The following MYSM1 variants were observed in gnomAD, a reference collection of about 807,000 sequenced individuals.
MYSM1 encodes Myb like, SWIRM and MPN domains 1.
A neutral mutation model predicts 116.0 loss-of-function variants in MYSM1; 51 were observed. The ratio of observed to expected loss-of-function variants is 0.44; its 90% CI spans 0.35 to 0.56. The LOEUF (loss-of-function observed/expected upper bound fraction) is 0.56, where lower values mean the gene tolerates loss of function less well. Ranked by LOEUF, MYSM1 falls within the 20% of genes least tolerant of loss-of-function variation. The pLI is 0.00. For missense variants in MYSM1, 900 were observed against 974.9 expected, an observed-to-expected ratio of 0.92 and a Z score of 1.02; for synonymous variants, 313 against 315.2, an observed-to-expected ratio of 0.99 and a Z score of 0.07.
At chr1:58,695,079 A>G in intron 2 of MYSM1, 50 bp downstream of exon 2, 1 of 1,076,366 alleles carries the variant, frequency 9.3e-7, no homozygotes, top group African/African-American at 1.6e-5. Flanking sequence ...GAAGCACTCT[A>G]GGCAATAAAT....
chr1:58,698,102 A>ATATTTTTTTT lies in MYSM1; in HGVS notation c.68+1882_68+1883insAAAAAAAATA. ...TATCAGACTATATATATATATATAT[A>ATATTTTTTTT]TTTTTTTTTTTTTTTTGAGACAGAG... On this transcript the variant is annotated intron_variant, in intron 1 of 19. Transcript: ENST00000472487. Among the ~76,000 whole-genome samples the ATATTTTTTTT allele has an allele frequency of 7.7e-4, 6 of 7,776 alleles. 1 individual carries two copies. Among genetic ancestry groups the ATATTTTTTTT allele is most frequent in the African/African-American group, 1.5e-3 (6 of 3,892 alleles). 5.1% of individuals were successfully genotyped at this position (7,776 alleles called of 152,430 possible).
intron 7 of MYSM1, among the ~76,000 whole-genome samples, chr1:58,684,934 T>A (rs1314425089): frequency 6.6e-6 from 1 of 152,188 alleles, no homozygotes; most frequent in African/African-American, 2.4e-5. Context: ...TTTTGTCCAT[T>A]TAACTTTATA....
At chr1:58,684,393 G>A (rs988171066) in intron 7 of MYSM1, among the ~76,000 whole-genome samples, 74 of 151,680 alleles carry the variant, frequency 4.9e-4, no homozygotes, top group African/African-American at 1.6e-3. Flanking sequence ...GTGAAACCCC[G>A]TCTCTACTAA....
At chr1:58,679,108 T>C (rs1410865847) in intron 8 of MYSM1, among the ~76,000 whole-genome samples, 1 of 152,216 alleles carries the variant, frequency 6.6e-6, no homozygotes, top group Non-Finnish European at 1.5e-5. Context: ...TCTGCTTTTA[T>C]GAAAAGAATC....
At chr1:58,680,591 G>A (rs1389028073) in intron 8 of MYSM1, among the ~76,000 whole-genome samples, 1 of 152,130 alleles carries the variant, frequency 6.6e-6, no homozygotes, top group Non-Finnish European at 1.5e-5. Flanking sequence ...TATATTGTGT[G>A]GGTAAAATGA....
Position 58,661,464 on chromosome 1 carries a change from A to G in MYSM1, c.2212T>C (p.Trp738Arg), listed in dbSNP as rs774199953. The G allele has an allele frequency of 6.2e-7, 1 of 1,609,202 alleles. No individual in the cohort carries two copies. Among genetic ancestry groups the G allele is most frequent in the Middle Eastern group, 1.7e-4 (1 of 6,038 alleles). The change falls in exon 18 of 20, where the codon TGG (tryptophan) becomes CGG (arginine). Residue 738 changes from tryptophan (W) to arginine (R), a missense_variant. Physicochemically the swap from Trp to Arg is moderately radical, Grantham distance 101. This residue lies in a region of MYSM1 where 186 missense variants were observed against 196.2 expected (regional missense o/e 0.95). Coordinates refer to ENST00000472487, the MANE Select transcript of MYSM1 (RefSeq NM_001085487.3). ...CTTGTCTTTTCAAATACTAATCCCC[A>G]CTGAGGTTCTTCTAACATCTGCTGT... ...EVQQMLEEPQ[W>R]GLVFEKTRWI...
intron 2 of MYSM1, 125 bp from the exon 3 acceptor site, chr1:58,693,056 G>T: frequency 1.4e-6 from 1 of 721,342 alleles, no homozygotes; most frequent in Non-Finnish European, 2.2e-6. Flanking sequence ...TGAGCACACA[G>T]ACATATTTTT....
At chr1:58,696,322 A>G (rs1253469658) in intron 1 of MYSM1, among the ~76,000 whole-genome samples, 1 of 152,218 alleles carries the variant, frequency 6.6e-6, no homozygotes, top group Non-Finnish European at 1.5e-5. Flanking sequence ...AGAATCAGCA[A>G]CACTCATACT....
chr1:58,698,815 G>A (rs1645021002), intron 1 of MYSM1, among the ~76,000 whole-genome samples: 1 of 152,174 alleles, frequency 6.6e-6, no homozygotes, highest in African/African-American at 2.4e-5. Flanking sequence ...AAAGCTTTGA[G>A]GGACAATGAC....
chr1:58,686,620 A>G (rs995050013), intron 6 of MYSM1, among the ~76,000 whole-genome samples: 1 of 152,256 alleles, frequency 6.6e-6, no homozygotes, highest in Non-Finnish European at 1.5e-5. Flanking sequence ...TCTGAAAATT[A>G]TTAGTAAATA....
chr1:58,676,988 A>G lies in MYSM1; in HGVS notation c.1328T>C (p.Val443Ala). Reference protein sequence around the residue: ...VRPGLKNCGDVNCIGRIHTYL... With the variant: ...VRPGLKNCGDANCIGRIHTYL... ...TGTATGAATCCGTCCAATACAATTA[A>G]CATCTCCACAGTTCTTCAGGCCAGG... The change falls in exon 9 of 20, where the codon GTT becomes GCT. Residue 443 changes from valine to alanine, a missense_variant. By Grantham distance (64) the Val-to-Ala change is moderately conservative. This residue lies in a region of MYSM1 where 622 missense variants were observed against 623.7 expected (regional missense o/e 1.00). Coordinates refer to ENST00000472487, the MANE Select transcript of MYSM1 (RefSeq NM_001085487.3). The G allele has an allele frequency of 6.2e-7, 1 of 1,612,518 alleles. No individual in the cohort carries two copies. Among genetic ancestry groups the G allele is most frequent in the Non-Finnish European group, 8.5e-7 (1 of 1,179,274 alleles).
chr1:58,696,192 T>G (rs1331002247), intron 1 of MYSM1, among the ~76,000 whole-genome samples: 2 of 152,228 alleles, frequency 1.3e-5, no homozygotes, highest in Non-Finnish European at 2.9e-5. Context: ...TAAAGGATTC[T>G]GAGACTTTTA....
At chr1:58,665,462 T>C in intron 17 of MYSM1, 37 bp downstream of exon 17, 2 of 1,477,696 alleles carry the variant, frequency 1.4e-6, no homozygotes, top group Non-Finnish European at 1.8e-6. Context: ...GAAATAAGAG[T>C]AGAAAGAGGA....
chr1:58,660,692 A>T (rs1411132737), intron 19 of MYSM1, among the ~76,000 whole-genome samples: 1 of 152,118 alleles, frequency 6.6e-6, no homozygotes, highest in Non-Finnish European at 1.5e-5. Flanking sequence ...TAAAAAGACA[A>T]ATGTTGCAGA....
rs1553140002 is a variant in MYSM1 at position 58,698,102 on chromosome 1, A to ATTTTTTTTTTTT, written c.68+1871_68+1882dup. Among the ~76,000 whole-genome samples, 64 of 7,762 alleles carry ATTTTTTTTTTTT rather than the reference A, an allele frequency of 8.2e-3. 8 individuals are homozygous for ATTTTTTTTTTTT. The highest frequency in any genetic ancestry group is 0.015 in the African/African-American group (58 of 3,884). 5.1% of individuals were successfully genotyped at this position (7,762 alleles called of 152,430 possible). ...TATCAGACTATATATATATATATAT[A>ATTTTTTTTTTTT]TTTTTTTTTTTTTTTTGAGACAGAG... On this transcript the variant is annotated intron_variant, in intron 1 of 19. Coordinates refer to ENST00000472487, the MANE Select transcript of MYSM1 (RefSeq NM_001085487.3).
At chr1:58,667,633 T>C (rs1644494109) in intron 15 of MYSM1, among the ~76,000 whole-genome samples, 1 of 151,782 alleles carries the variant, frequency 6.6e-6, no homozygotes, top group Non-Finnish European at 1.5e-5. Context: ...ACCCAAGGCC[T>C]GGCAATGTTC....
At chr1:58,667,981 A>C in intron 14 of MYSM1, 60 bp from the exon 15 acceptor site, 1 of 1,133,490 alleles carries the variant, frequency 8.8e-7, no homozygotes. Flanking sequence ...CAAAGTAACA[A>C]AACTCACTTA....
chr1:58,682,368 TG>T lies in MYSM1; in HGVS notation c.675del (p.Thr226GlnfsTer22). 6.2e-7 allele frequency: 1 copy of T among 1,614,198 alleles called. No individual in the cohort carries two copies. The highest frequency in any genetic ancestry group is 8.5e-7 in the Non-Finnish European group (1 of 1,180,028). On this transcript the variant is annotated frameshift_variant, in exon 8 of 20. Coordinates refer to ENST00000472487, the MANE Select transcript of MYSM1 (RefSeq NM_001085487.3). LOFTEE classifies it high-confidence loss of function. ...GAAGACAACTCGTCCACCTCATCTG[TG>T]ATGTCTACTTCTTCATCATCAGATA... ...EKLSDDEEVD[I>X]TDEVDELSSQ...
chr1:58,676,888 A>G (rs1488319443), intron 9 of MYSM1, 38 bp downstream of exon 9: 2 of 1,599,944 alleles, frequency 1.3e-6, no homozygotes, highest in South Asian at 1.1e-5. Context: ...AGGATAAAAA[A>G]TGTCGAGTAA....
Sources: allele counts gnomAD v4.1 joint callset (sites outside exome capture counted in the v4.1 genomes callset), GRCh38; gene constraint gnomAD v4.1.1; regional missense constraint gnomAD v4.1.1; transcripts MANE v1.5; gene names NCBI Gene and HGNC (gene_info 2026-07-23, HGNC 2026-07-21).